DNAH11: variants seen among roughly 807,000 people sequenced by gnomAD.
DNAH11 encodes axonemal beta dynein heavy chain 11.
Under a neutral mutation model 526.0 loss-of-function variants are expected in DNAH11, and 442 were observed. The ratio of observed to expected loss-of-function variants is 0.84; its 90% CI spans 0.78 to 0.91. DNAH11 has a LOEUF of 0.91. Ranked by LOEUF, DNAH11 falls within the 40% of genes least tolerant of loss-of-function variation. The probability of loss-of-function intolerance (pLI) is 0.00; values close to 1 mark genes in which losing one functional copy is unlikely to be tolerated. For missense variants in DNAH11, 6,989 were observed against 5,448.7 expected (o/e 1.28, Z -8.90); for synonymous variants, 2,461 against 1,935.9 (o/e 1.27, Z -7.12).
chr7:21,684,072 G>T (rs926102548), intron 32 of DNAH11, 128 bp downstream of exon 32: 12 of 970,114 alleles, frequency 1.2e-5, no homozygotes, highest in Non-Finnish European at 1.8e-5. Context: ...GAAGAGAATT[G>T]AATTAGAGAA....
At chr7:21,788,607 A>T (rs1053651232) in intron 60 of DNAH11, among the ~76,000 whole-genome samples, 1 of 152,176 alleles carries the variant, frequency 6.6e-6, no homozygotes, top group African/African-American at 2.4e-5. Context: ...ATCCACCTAA[A>T]TTCTCAGATG....
rs755237089 is a variant in DNAH11, at chr7:21,658,948, T to C, written c.5245T>C (p.Trp1749Arg). ...GGTTGCACTAACCAGCTCACAAATA[T>C]GGTGGACCACAGATGTAGGAATAGC... ...AQVALTSSQI[W>R]WTTDVGIAFS... The change falls in exon 30 of 82, where the codon TGG becomes CGG. Residue 1749 changes from tryptophan to arginine, a missense_variant. Transcript: ENST00000409508. 20 of 1,610,946 alleles carry C rather than the reference T, an allele frequency of 1.2e-5. No individual in the cohort carries two copies. Among genetic ancestry groups the C allele is most frequent in the South Asian group, 7.8e-5 (7 of 90,306 alleles).
chr7:21,856,823 T>C (rs1212902548), intron 68 of DNAH11, among the ~76,000 whole-genome samples: 4 of 151,908 alleles, frequency 2.6e-5, no homozygotes, highest in African/African-American at 7.3e-5. Flanking sequence ...AATGAATAGA[T>C]GGTAACTTCT....
chr7:21,785,321 G>A (rs1020780644), intron 58 of DNAH11, among the ~76,000 whole-genome samples: 2 of 152,130 alleles, frequency 1.3e-5, no homozygotes, highest in East Asian at 1.9e-4. Context: ...ATACTTACAT[G>A]GGTATTTCTT....
rs187196722 is a variant in DNAH11, at chr7:21,710,606, C to A, written c.6737C>A (p.Ala2246Glu). Reference protein sequence around the residue: ...GLFSSILREQANLKHDGPKWI... With the variant: ...GLFSSILREQENLKHDGPKWI... ...TTCTCATCCATTCTACGAGAACAAG[C>A]AAATCTTAAGCATGATGGACCAAAA... The change falls in exon 41 of 82, where the codon GCA (alanine) becomes GAA (glutamate). Residue 2246 changes from alanine (A) to glutamate (E), a missense_variant. Transcript: ENST00000409508. 1 of 1,613,038 alleles carries A rather than the reference C, an allele frequency of 6.2e-7. No homozygotes were observed. Among genetic ancestry groups the A allele is most frequent in the African/African-American group, 1.3e-5 (1 of 75,004 alleles).
intron 76 of DNAH11, among the ~76,000 whole-genome samples, chr7:21,885,696 A>C (rs1009649436): frequency 3.3e-5 from 5 of 152,178 alleles, no homozygotes; most frequent in African/African-American, 1.2e-4. Context: ...CAACATATAC[A>C]TGTATCAAAA....
intron 30 of DNAH11, among the ~76,000 whole-genome samples, chr7:21,668,164 A>G (rs1350345892): frequency 2.0e-5 from 3 of 152,126 alleles, no homozygotes; most frequent in Non-Finnish European, 4.4e-5. Context: ...TGGATTTTTT[A>G]CTTAACACTG....
At position 21,741,909 on chromosome 7, in the gene DNAH11, A is replaced by G; in HGVS notation, c.7915-18A>G. ...ACAATTGTAATCCTTACACTCTTAT[A>G]TTTGCTTTTCTTTTCAGAGACATTT... On this transcript the variant is annotated intron_variant, in intron 48 of 81. Coordinates refer to ENST00000409508, the MANE Select transcript of DNAH11 (RefSeq NM_001277115.2). 1 of 1,612,590 alleles carries G rather than the reference A, an allele frequency of 6.2e-7. No homozygotes were observed. Among genetic ancestry groups the G allele is most frequent in the African/African-American group, 1.3e-5 (1 of 74,964 alleles).
intron 2 of DNAH11, among the ~76,000 whole-genome samples, chr7:21,554,914 G>A (rs780881399): frequency 5.3e-5 from 8 of 152,124 alleles, no homozygotes; most frequent in Non-Finnish European, 7.4e-5. Flanking sequence ...GGATTTAAAG[G>A]AGCAATTGGT....
chr7:21,712,204 T>C (rs987753689), intron 42 of DNAH11, among the ~76,000 whole-genome samples: 130 of 152,250 alleles, frequency 8.5e-4, no homozygotes, highest in African/African-American at 3.0e-3. Flanking sequence ...TAGCAGCATA[T>C]TGTAGTATTT....
chr7:21,877,124 G>A (rs978481793), intron 74 of DNAH11, among the ~76,000 whole-genome samples: 2 of 152,204 alleles, frequency 1.3e-5, no homozygotes, highest in African/African-American at 4.8e-5. Context: ...AGGACCAGTT[G>A]TTCCTGTTGC....
At chr7:21,784,038 C>T (rs1475469798) in intron 57 of DNAH11, among the ~76,000 whole-genome samples, 2 of 152,152 alleles carry the variant, frequency 1.3e-5, no homozygotes, top group Non-Finnish European at 2.9e-5. Flanking sequence ...CTAGGAAGAA[C>T]ATTTTGTGGT....
At chr7:21,582,639 A>G (rs986212370) in intron 9 of DNAH11, among the ~76,000 whole-genome samples, 3 of 152,314 alleles carry the variant, frequency 2.0e-5, no homozygotes, top group East Asian at 1.9e-4. Flanking sequence ...AAGCATCTCA[A>G]TAGTGTCCCC....
intron 69 of DNAH11, 37 bp from the exon 70 acceptor site, chr7:21,864,498 A>C (rs1783193599): frequency 6.3e-7 from 1 of 1,599,308 alleles, no homozygotes; most frequent in Non-Finnish European, 8.5e-7. Flanking sequence ...TTTTCATGTA[A>C]ACCTAATAAT....
At chr7:21,898,955 T>C (rs1036530085) in intron 79 of DNAH11, among the ~76,000 whole-genome samples, 1 of 152,186 alleles carries the variant, frequency 6.6e-6, no homozygotes, top group Admixed American at 6.5e-5. Flanking sequence ...AGCCTTGCCA[T>C]CCCTGGTCCT....
At chr7:21,890,392 C>T (rs778024356) in intron 76 of DNAH11, among the ~76,000 whole-genome samples, 3 of 152,312 alleles carry the variant, frequency 2.0e-5, no homozygotes, top group Admixed American at 6.5e-5. Context: ...TACATGAGCA[C>T]GCATTCAAAC....
intron 68 of DNAH11, among the ~76,000 whole-genome samples, chr7:21,860,390 C>A (rs1783013165): frequency 6.6e-6 from 1 of 152,046 alleles, no homozygotes; most frequent in Non-Finnish European, 1.5e-5. Context: ...TGTAGCAATT[C>A]CTCAGAAAAA....
intron 27 of DNAH11, among the ~76,000 whole-genome samples, chr7:21,638,696 GTGTGT>G (rs1786980590): frequency 2.0e-4 from 9 of 46,148 alleles, no homozygotes; most frequent in African/African-American, 5.2e-4. Flanking sequence ...AATGGGGTGT[GTGTGT>G]GTGTGTGTGT....
intron 57 of DNAH11, among the ~76,000 whole-genome samples, chr7:21,782,148 C>T (rs1251414719): frequency 6.6e-6 from 1 of 152,296 alleles, no homozygotes; most frequent in South Asian, 2.1e-4. Flanking sequence ...TCTTTATTCT[C>T]TCCCTGTGAT....
Sources: gnomAD v4.1 joint callset for allele counts (sites outside exome capture counted in the v4.1 genomes callset) on GRCh38, gnomAD v4.1.1 for gene constraint, MANE v1.5 for transcripts, NCBI Gene and HGNC (gene_info 2026-07-23, HGNC 2026-07-21) for gene names.